The following CDK13 variants were observed in gnomAD, a reference collection of about 807,000 sequenced individuals.
CDK13 encodes cyclin dependent kinase 13.
In CDK13, 40 loss-of-function variants were observed where a neutral mutation model predicts 137.6. The ratio of observed to expected loss-of-function variants is 0.29; its 90% CI spans 0.23 to 0.38. CDK13 has a LOEUF of 0.38. CDK13 is among the 10% of genes least tolerant of loss of function. The pLI is 1.00. For synonymous variants in CDK13, 869 were observed against 760.1 expected, an observed-to-expected ratio of 1.14 and a Z score of -2.36; for missense variants, 1,704 against 1,951.8, an observed-to-expected ratio of 0.87 and a Z score of 2.39.
rs749105396 is a variant in CDK13 at position 39,951,480 on chromosome 7, G to C, written c.839G>C (p.Arg280Pro). The C allele has an allele frequency of 1.4e-5, 22 of 1,536,940 alleles. No homozygotes were observed. Among genetic ancestry groups the C allele is most frequent in the Non-Finnish European group, 1.8e-5 (21 of 1,142,716 alleles). The change falls in exon 1 of 14, where the codon CGC becomes CCC. Residue 280 changes from arginine to proline, a missense_variant. Physicochemically the swap from Arg to Pro is moderately radical, Grantham distance 103. This residue lies in a region of CDK13 where 1,051 missense variants were observed against 931.0 expected (regional missense o/e 1.13). Coordinates refer to ENST00000181839, the MANE Select transcript of CDK13 (RefSeq NM_003718.5). ...AAGGACCGGGACTCGAAGGCCCACC[G>C]CAGCCGGACTAAGTCGTCCAAGGAG... ...SRKDRDSKAHRSRTKSSKEPP... is the reference protein window; with the variant it reads ...SRKDRDSKAHPSRTKSSKEPP...
Position 40,063,146 on chromosome 7 carries a change from ACTC to A in CDK13, c.2780+48_2780+50del, listed in dbSNP as rs1228393070. The A allele has an allele frequency of 3.6e-6, 5 of 1,375,548 alleles. No homozygotes were observed. The South Asian group carries it at 5.9e-5, about 16-fold the overall frequency. The allele number at this position is 1,375,548 out of a possible 1,614,324, so 85.2% of individuals were successfully genotyped here. On this transcript the variant is annotated intron_variant, in intron 9 of 13. Transcript: ENST00000181839. Reference sequence around the variant, plus strand: ...TTGGTGGGAATTGGGAGAGTGTCATACTCCACAGGAAATTTAAACTCTCCCAAG... The same window carrying A: ...TTGGTGGGAATTGGGAGAGTGTCATACACAGGAAATTTAAACTCTCCCAAG...
intron 9 of CDK13, chr7:40,066,587 A>G (rs1786284585): frequency 6.6e-6 from 1 of 152,230 alleles, no homozygotes; most frequent in Admixed American, 6.5e-5. Flanking sequence ...AAACTTTAAG[A>G]CATTGCTGTC....
At chr7:39,970,114 C>T (rs976872461) in intron 1 of CDK13, among the ~76,000 whole-genome samples, 1 of 151,204 alleles carries the variant, frequency 6.6e-6, no homozygotes, top group Admixed American at 6.6e-5. Context: ...AAGCGATTCT[C>T]GTGTCTCAGC....
chr7:39,967,731 T>TATAC (rs1398728260), intron 1 of CDK13, among the ~76,000 whole-genome samples: 5 of 152,214 alleles, frequency 3.3e-5, no homozygotes, highest in African/African-American at 1.2e-4. Context: ...TCCTTTTCTG[T>TATAC]ATACACTTGC....
At chr7:40,058,579 C>CGG (rs199819278) in intron 7 of CDK13, among the ~76,000 whole-genome samples, 8 of 28,530 alleles carry the variant, frequency 2.8e-4, no homozygotes, top group African/African-American at 6.5e-4. Flanking sequence ...GCAGGGCGGG[C>CGG]GGGGGGGTGC....
rs1047213145 is a variant in CDK13 at position 40,096,401 on chromosome 7, A to G, written c.*1421A>G. 2 of 152,034 alleles carry G rather than the reference A, an allele frequency of 1.3e-5. No homozygotes were observed. Among genetic ancestry groups the G allele is most frequent in the Non-Finnish European group, 2.9e-5 (2 of 67,986 alleles). The allele number at this position is 152,034 out of a possible 1,614,324, so 9.4% of individuals were successfully genotyped here. ...TGGAGTAGTCCTTATTTAAACTGTAATGGTGTCAAGTCTCACTGTGTGCAC... is the reference window on the plus strand; with the variant it reads ...TGGAGTAGTCCTTATTTAAACTGTAGTGGTGTCAAGTCTCACTGTGTGCAC... On this transcript the variant is annotated 3_prime_UTR_variant, in exon 14 of 14. Transcript: ENST00000181839.
At chr7:39,976,321 T>TCTCTCTCTCTCTCTCTCTCTCTCTCA in intron 1 of CDK13, among the ~76,000 whole-genome samples, 1 of 36,014 alleles carries the variant, frequency 2.8e-5, no homozygotes, top group East Asian at 8.5e-4. Context: ...TCTCTCTCTC[T>TCTCTCTCTCTCTCTCTCTCTCTCTCA]CTCACACACA....
chr7:40,068,414 G>C (rs1441103706), intron 9 of CDK13, among the ~76,000 whole-genome samples: 1 of 151,774 alleles, frequency 6.6e-6, no homozygotes, highest in Non-Finnish European at 1.5e-5. Context: ...GGAAATAGTT[G>C]GTCAGGCACA....
chr7:40,012,655 C>T (rs1267238918), intron 5 of CDK13, among the ~76,000 whole-genome samples: 2 of 152,030 alleles, frequency 1.3e-5, no homozygotes, highest in Non-Finnish European at 2.9e-5. Context: ...TGGCTCACGC[C>T]TGTAACCCCA....
At position 39,976,959 on chromosome 7, in the gene CDK13, A is replaced by G. The variant is rs566500386; in HGVS notation, c.1212-10640A>G. ...AATTAGACTCGGTTTCTGCTCCTCA[A>G]AGAGGGTGCAGTCTGATAGACAATG... On this transcript the variant is annotated intron_variant, in intron 1 of 13. Transcript: ENST00000181839. Among the ~76,000 whole-genome samples the G allele has an allele frequency of 3.3e-5, 5 of 152,248 alleles. No individual in the cohort carries two copies. In the South Asian group the frequency reaches 1.0e-3, roughly 32 times the overall value.
intron 7 of CDK13, among the ~76,000 whole-genome samples, chr7:40,054,496 T>C (rs1785967242): frequency 6.6e-6 from 1 of 152,076 alleles, no homozygotes; most frequent in Non-Finnish European, 1.5e-5. Flanking sequence ...AATGGCGCAG[T>C]CTCGGCTCAA....
intron 1 of CDK13, among the ~76,000 whole-genome samples, chr7:39,969,373 T>C (rs1783945851): frequency 6.6e-6 from 1 of 152,240 alleles, no homozygotes. Context: ...TTTTTAAAAA[T>C]ACCTTTAGAA....
At position 39,951,435 on chromosome 7, in the gene CDK13, C is replaced by T; in HGVS notation, c.794C>T (p.Ser265Phe). 1 of 1,535,376 alleles carries T rather than the reference C, an allele frequency of 6.5e-7. No individual in the cohort carries two copies. The highest frequency in any genetic ancestry group is 8.8e-7 in the Non-Finnish European group (1 of 1,141,994). ...GGRRKSASAT[S>F]SSSSSRKDRD... ...CGCCGGAAAAGCGCTTCGGCCACAT[C>T]CAGCAGCAGTAGCAGCCGCAAGGAC... The change falls in exon 1 of 14, where the codon TCC (serine) becomes TTC (phenylalanine). Residue 265 changes from serine (S) to phenylalanine (F), a missense_variant. By Grantham distance (155) the Ser-to-Phe change is radical. Transcript: ENST00000181839.
chr7:40,074,261 G>A (rs149048423), intron 9 of CDK13, among the ~76,000 whole-genome samples: 2,353 of 152,204 alleles, frequency 0.015, 24 homozygotes, highest in South Asian at 0.04. Context: ...GGTGGCTCAC[G>A]CCCATAATCC....
intron 5 of CDK13, among the ~76,000 whole-genome samples, chr7:40,005,207 A>AT (rs1477482257): frequency 2.0e-5 from 3 of 151,582 alleles, no homozygotes; most frequent in Non-Finnish European, 4.4e-5. Flanking sequence ...TCATAAATAT[A>AT]TTTTTTTAAA....
chr7:40,078,289 A>G (rs754677837), intron 10 of CDK13, 168 bp downstream of exon 10: 61 of 428,496 alleles, frequency 1.4e-4, no homozygotes, highest in Middle Eastern at 1.2e-3. Context: ...TTTTACCATT[A>G]TTATGGAATC....
At chr7:40,001,011 G>A (rs1006677394) in intron 4 of CDK13, among the ~76,000 whole-genome samples, 6 of 152,080 alleles carry the variant, frequency 3.9e-5, no homozygotes, top group Non-Finnish European at 8.8e-5. Flanking sequence ...ACAAGTAACT[G>A]GATTTTGAAT....
intron 1 of CDK13, chr7:39,986,760 C>T (rs1441148684): frequency 6.6e-6 from 1 of 152,136 alleles, no homozygotes; most frequent in Non-Finnish European, 1.5e-5. Flanking sequence ...TTATGTAGCT[C>T]ATAAGCTATT....
intron 5 of CDK13, among the ~76,000 whole-genome samples, chr7:40,005,212 T>C (rs1433732066): frequency 6.6e-6 from 1 of 152,012 alleles, no homozygotes; most frequent in Non-Finnish European, 1.5e-5. Context: ...AATATATTTT[T>C]TTAAAACTTA....
Sources: allele counts gnomAD v4.1 joint callset (sites outside exome capture counted in the v4.1 genomes callset), GRCh38; gene constraint gnomAD v4.1.1; regional missense constraint gnomAD v4.1.1; transcripts MANE v1.5; gene names NCBI Gene and HGNC (gene_info 2026-07-23, HGNC 2026-07-21).